Variants in CHEK1 observed in about 807,000 individuals in gnomAD.
CHEK1 encodes the protein serine/threonine-protein kinase Chk1.
Under a neutral mutation model 60.2 loss-of-function variants are expected in CHEK1, and 32 were observed. The ratio of observed to expected loss-of-function variants is 0.53; its 90% CI spans 0.40 to 0.71. CHEK1 has a LOEUF of 0.71. Ranked by LOEUF, CHEK1 falls within the 30% of genes least tolerant of loss-of-function variation. The pLI, the probability that CHEK1 is intolerant of heterozygous loss-of-function variation, is 0.00. For missense variants in CHEK1, 399 were observed against 564.6 expected (o/e 0.71, Z 2.97); for synonymous variants, 179 against 187.2 (o/e 0.96, Z 0.36).
In CHEK1 at chr11:125,655,431, G is replaced by A. The variant is rs868300535; in HGVS notation, c.*111G>A. ...CAAACTGCAAATAGTAGTTCCTGAA[G>A]TGTTCACTTCCCTGTTTATCCAAAC... On this transcript the variant is annotated 3_prime_UTR_variant, in exon 13 of 13. Transcript: ENST00000438015. 1.5e-6 allele frequency: 1 copy of A among 647,248 alleles called. No homozygotes were observed. The highest frequency in any genetic ancestry group is 1.9e-5 in the African/African-American group (1 of 53,768). The allele number at this position is 647,248 out of a possible 1,614,324, so 40.1% of individuals were successfully genotyped here. A position where few individuals can be genotyped will look rare whatever the true frequency, so the allele number is the denominator to read the frequency against.
intron 6 of CHEK1, among the ~76,000 whole-genome samples, chr11:125,634,003 T>TTTG (rs1283080606): frequency 6.7e-6 from 1 of 149,664 alleles, no homozygotes; most frequent in East Asian, 2.0e-4. Context: ...TTGTGGTTTT[T>TTTG]TTTTTTTTTT....
intron 8 of CHEK1, among the ~76,000 whole-genome samples, chr11:125,640,523 C>CAG (rs1555070735): frequency 2.7e-5 from 4 of 146,104 alleles, no homozygotes; most frequent in Admixed American, 1.4e-4. Context: ...GCCTGGGCAA[C>CAG]AGCGAGACTC....
At chr11:125,674,478 T>C (rs1348804799) in intron 13 of CHEK1, among the ~76,000 whole-genome samples, 1 of 152,222 alleles carries the variant, frequency 6.6e-6, no homozygotes, top group African/African-American at 2.4e-5. Flanking sequence ...CAGGAAGTGG[T>C]GACTTGCGTA....
At chr11:125,630,083 C>G (rs1004169828) in intron 5 of CHEK1, among the ~76,000 whole-genome samples, 1 of 152,132 alleles carries the variant, frequency 6.6e-6, no homozygotes, top group Admixed American at 6.6e-5. Flanking sequence ...GTGGAATACC[C>G]TGGACCTTAG....
chr11:125,679,324 C>T (rs577545), downstream of CHEK1, among the ~76,000 whole-genome samples: 86,988 of 150,664 alleles, frequency 0.58, 25,268 homozygotes, highest in Admixed American at 0.64. Context: ...TTCAAGTGAT[C>T]CTCCTGCCTC....
rs566166023 is a variant in CHEK1, at chr11:125,645,342, A to G, written c.1233+699A>G. Among the ~76,000 whole-genome samples, 30 of 152,304 alleles carry G rather than the reference A, an allele frequency of 2.0e-4. 1 individual carries two copies. Among genetic ancestry groups the G allele is most frequent in the African/African-American group, 6.5e-4 (27 of 41,572 alleles). ...CCATCTCCCTTGATTGCACCCGTCAATTTTTATTGTTTATATTATTAGAGC... is the reference window on the plus strand; with the variant it reads ...CCATCTCCCTTGATTGCACCCGTCAGTTTTTATTGTTTATATTATTAGAGC... On this transcript the variant is annotated intron_variant, in intron 11 of 12. Coordinates refer to ENST00000438015, the MANE Select transcript of CHEK1 (RefSeq NM_001114122.3).
At chr11:125,643,617 G>A (rs1941386108) in intron 8 of CHEK1, 175 bp from the exon 9 acceptor site, 2 of 553,046 alleles carry the variant, frequency 3.6e-6, no homozygotes, top group Non-Finnish European at 6.3e-6. Context: ...TTTATAACTT[G>A]GCCATATTTT....
Position 125,656,927 on chromosome 11 carries a change from G to A in CHEK1, c.*1607G>A. The A allele has an allele frequency of 4.9e-6, 1 of 203,992 alleles. No homozygotes were observed. The highest frequency in any genetic ancestry group is 1.0e-5 in the Non-Finnish European group (1 of 99,456). The allele number at this position is 203,992 out of a possible 1,614,324, so 12.6% of individuals were successfully genotyped here. Reference sequence around the variant, plus strand: ...CTGACATTTATTTATCTGAACACTGGTAATTGCCTCAGTAAAGACACTGAT... The same window carrying A: ...CTGACATTTATTTATCTGAACACTGATAATTGCCTCAGTAAAGACACTGAT... On this transcript the variant is annotated 3_prime_UTR_variant, in exon 13 of 13. Transcript: ENST00000438015.
chr11:125,663,131 G>T (rs1591428152), intron 13 of CHEK1, among the ~76,000 whole-genome samples: 1 of 142,894 alleles, frequency 7.0e-6, no homozygotes. Flanking sequence ...TATGTCATTT[G>T]TGAAAAAAAA....
intron 13 of CHEK1, chr11:125,671,964 A>G (rs2134099338): frequency 6.6e-6 from 1 of 152,378 alleles, no homozygotes; most frequent in Non-Finnish European, 1.5e-5. Flanking sequence ...TTTAAGCATT[A>G]TGAACTGCTG....
intron 7 of CHEK1, 96 bp downstream of exon 7, chr11:125,635,629 T>G: frequency 1.4e-6 from 1 of 724,536 alleles, no homozygotes; most frequent in South Asian, 2.5e-5. Flanking sequence ...TGTTTTAAAC[T>G]TACAAATAAT....
At chr11:125,640,693 C>T (rs1941268468) in intron 8 of CHEK1, among the ~76,000 whole-genome samples, 2 of 152,086 alleles carry the variant, frequency 1.3e-5, no homozygotes, top group African/African-American at 4.8e-5. Context: ...TCTCAGCTTC[C>T]CGAGTAGCTG....
At chr11:125,633,460 C>A in intron 6 of CHEK1, 109 bp downstream of exon 6, 1 of 1,014,680 alleles carries the variant, frequency 9.9e-7, no homozygotes, top group Admixed American at 3.8e-5. Flanking sequence ...TTTTTGTTTT[C>A]TTTTTTAAGA....
intron 1 of CHEK1, chr11:125,626,488 C>T: frequency 3.9e-6 from 2 of 511,344 alleles, no homozygotes; most frequent in South Asian, 2.8e-5. Context: ...TTCATAACAA[C>T]AATTAATTTC....
intron 13 of CHEK1, among the ~76,000 whole-genome samples, chr11:125,673,629 C>T (rs1399743765): frequency 6.6e-6 from 1 of 152,196 alleles, no homozygotes; most frequent in Non-Finnish European, 1.5e-5. Context: ...AACCGATGAT[C>T]ACCTCCATGC....
Position 125,653,657 on chromosome 11 carries a change from T to G in CHEK1, c.1234-89T>G. 1.4e-6 allele frequency: 1 copy of G among 693,488 alleles called. No individual in the cohort carries two copies. Among genetic ancestry groups the G allele is most frequent in the Non-Finnish European group, 2.5e-6 (1 of 401,420 alleles). 43.0% of individuals were successfully genotyped at this position (693,488 alleles called of 1,614,324 possible). A position where few individuals can be genotyped will look rare whatever the true frequency, so the allele number is the denominator to read the frequency against. ...ATAGGTAGTTTTATTTGTAGTTTTT[T>G]GAGAAACTTCTATTCTGTTCTTCAT... is the stretch of plus-strand genomic sequence containing the variant. On this transcript the variant is annotated intron_variant, in intron 11 of 12. Coordinates refer to ENST00000438015, the MANE Select transcript of CHEK1 (RefSeq NM_001114122.3). The surrounding 1 kb of genome is among the most constrained non-coding windows in gnomAD (Gnocchi z 4.3).
rs1472862428 is a variant in CHEK1, at chr11:125,625,764, C to A, written c.-269C>A. 1.5e-6 allele frequency: 1 copy of A among 685,616 alleles called. No homozygotes were observed. The highest frequency in any genetic ancestry group is 2.7e-6 in the Non-Finnish European group (1 of 371,742). 42.5% of individuals were successfully genotyped at this position (685,616 alleles called of 1,614,324 possible). A position where few individuals can be genotyped will look rare whatever the true frequency, so the allele number is the denominator to read the frequency against. On this transcript the variant is annotated 5_prime_UTR_variant, in exon 1 of 13. Transcript: ENST00000438015. ...GCCCAGAGCTCAATTCGCGCCGATGCGGTCCGCCGTCCTTAAATCTCTTCA... is the reference window on the plus strand; with the variant it reads ...GCCCAGAGCTCAATTCGCGCCGATGAGGTCCGCCGTCCTTAAATCTCTTCA...
At chr11:125,630,661 A>T (rs1206986605) in intron 5 of CHEK1, among the ~76,000 whole-genome samples, 2 of 152,098 alleles carry the variant, frequency 1.3e-5, no homozygotes, top group Non-Finnish European at 1.5e-5. Context: ...TTACCCCTTT[A>T]AACTGAGTTT....
chr11:125,658,804 C>T (rs551392983), downstream of CHEK1, among the ~76,000 whole-genome samples: 49 of 150,610 alleles, frequency 3.3e-4, no homozygotes, highest in South Asian at 0.01. Flanking sequence ...ATCCTTCCAC[C>T]TCAGCCTTCT....
Sources: gnomAD v4.1 joint callset for allele counts (sites outside exome capture counted in the v4.1 genomes callset) on GRCh38, gnomAD v4.1.1 for gene constraint, Gnocchi (gnomAD v3.1) non-coding constraint, MANE v1.5 for transcripts, NCBI Gene and HGNC (gene_info 2026-07-23, HGNC 2026-07-21) for gene names.